Variants in MACF1 observed in about 807,000 individuals in gnomAD.
MACF1 encodes microtubule-actin cross-linking factor 1.
In MACF1, 193 loss-of-function variants were observed where a neutral mutation model predicts 854.8. That is an observed-to-expected ratio of 0.23 (90% confidence interval 0.20 to 0.25). The LOEUF is 0.25. Ranked by LOEUF, MACF1 falls within the 10% of genes least tolerant of loss-of-function variation. MACF1 has a pLI of 1.00. For missense variants in MACF1, 7,722 were observed against 8,929.1 expected (o/e 0.86, Z 5.45); for synonymous variants, 3,185 against 3,226.7 (o/e 0.99, Z 0.44).
At chr1:39,452,027 A>G in intron 85 of MACF1, 129 bp from the exon 86 acceptor site, 3 of 792,110 alleles carry the variant, frequency 3.8e-6, no homozygotes, top group South Asian at 2.1e-5. Context: ...TTTCTTATGC[A>G]TTGCTCTGCC....
At chr1:39,307,039 T>C (rs1389153924) in intron 23 of MACF1, among the ~76,000 whole-genome samples, 5 of 151,780 alleles carry the variant, frequency 3.3e-5, no homozygotes, top group African/African-American at 1.2e-4. Flanking sequence ...CATTTCCGGC[T>C]AATTTTTATA....
Position 39,340,702 on chromosome 1 carries a change from T to A in MACF1, c.10416T>A (p.Ala3472=). The A allele has an allele frequency of 6.2e-7, 1 of 1,614,124 alleles. No individual in the cohort carries two copies. The highest frequency in any genetic ancestry group is 8.5e-7 in the Non-Finnish European group (1 of 1,179,990). ...WNSRLLHFQN[A]VEIEKTKVLN... ...CCAGGCTACTCCACTTCCAGAATGC[T>A]GTGGAAATAGAAAAGGTAGCATTTT... is the stretch of plus-strand genomic sequence containing the variant. Residue 3472 remains alanine (A), a synonymous_variant, in exon 39 of 101, where the codon GCT becomes GCA. Transcript: ENST00000564288.
chr1:39,296,835 G>A lies in MACF1; in HGVS notation c.2356-785G>A, dbSNP rs1237435104. 4.8e-3 allele frequency among the ~76,000 whole-genome samples: 642 copies of A among 132,422 alleles called. 8 individuals carry two copies. The highest frequency in any genetic ancestry group is 0.017 in the Middle Eastern group (4 of 240). The allele number at this position is 132,422 out of a possible 152,430, so 86.9% of individuals were successfully genotyped here. On this transcript the variant is annotated intron_variant, in intron 20 of 100. Transcript: ENST00000564288. ...GAAAGGAAGGAAGGAAGGAAGGAAG[G>A]AAGGAAGGAAAAGAAAGAAAGAGAG... is the stretch of plus-strand genomic sequence containing the variant.
intron 36 of MACF1, chr1:39,328,836 C>A (rs1646665097): frequency 6.6e-6 from 1 of 152,158 alleles, no homozygotes; most frequent in Admixed American, 6.6e-5. Flanking sequence ...TGAGTATTTC[C>A]TGCCTATCCT....
At chr1:39,242,550 AC>A (rs1644936723) in intron 2 of MACF1, among the ~76,000 whole-genome samples, 1 of 152,020 alleles carries the variant, frequency 6.6e-6, no homozygotes, top group Admixed American at 6.6e-5. Context: ...GGAGTTCGAG[AC>A]TAGCTTGGGC....
intron 35 of MACF1, 54 bp downstream of exon 35, chr1:39,324,788 T>A: frequency 7.5e-7 from 1 of 1,327,746 alleles, no homozygotes; most frequent in Non-Finnish European, 1.1e-6. Context: ...TCTATCAGTC[T>A]AAAACTTACA....
rs1263653376 is a variant in MACF1 at position 39,381,378 on chromosome 1, T to TGG, written c.13649-566_13649-565dup. The stretch of plus-strand genomic sequence containing the variant: ...GGCCTTTTTTTTTTTTTTTTTTTTT[T>TGG]GGGGGGGGGGACAGGGTCTTGCTCT... On this transcript the variant is annotated intron_variant, in intron 55 of 100. Coordinates refer to ENST00000564288, the MANE Select transcript of MACF1 (RefSeq NM_001394062.1). Among the ~76,000 whole-genome samples the TGG allele has an allele frequency of 2.2e-3, 220 of 102,004 alleles. 2 individuals are homozygous for TGG. The highest frequency in any genetic ancestry group is 5.2e-3 in the East Asian group (13 of 2,500). The allele number at this position is 102,004 out of a possible 152,430, so 66.9% of individuals were successfully genotyped here. A position where few individuals can be genotyped will look rare whatever the true frequency, so the allele number is the denominator to read the frequency against.
At chr1:39,355,966 C>T (rs1361209098) in intron 44 of MACF1, among the ~76,000 whole-genome samples, 1 of 152,112 alleles carries the variant, frequency 6.6e-6, no homozygotes, top group African/African-American at 2.4e-5. Flanking sequence ...CCTAGTCACT[C>T]AGCTTTCTTG....
Position 39,084,544 on chromosome 1 carries a change from A to T in MACF1, c.220+106A>T. 1 of 820,498 alleles carries T rather than the reference A, an allele frequency of 1.2e-6. No homozygotes were observed. The highest frequency in any genetic ancestry group is 2.5e-5 in the Admixed American group (1 of 39,610). The allele number at this position is 820,498 out of a possible 1,614,324, so 50.8% of individuals were successfully genotyped here. ...CGAGGGGTCCTCACCAGGGCCTCTG[A>T]CAAAGCAGCCATCATCTGATTTGTT... On this transcript the variant is annotated intron_variant, in intron 2 of 93. Coordinates refer to the MACF1 transcript ENST00000361689. This position sits in a 1 kb window ranked among gnomAD's most constrained non-coding sequence, Gnocchi z 5.2.
chr1:39,344,691 A>G (rs1375427448), intron 40 of MACF1, among the ~76,000 whole-genome samples: 1 of 152,274 alleles, frequency 6.6e-6, no homozygotes, highest in South Asian at 2.1e-4. Flanking sequence ...ATACATGCTC[A>G]CTTGAGGCGT....
chr1:39,425,727 A>G (rs1643704147), intron 61 of MACF1, among the ~76,000 whole-genome samples: 1 of 152,062 alleles, frequency 6.6e-6, no homozygotes, highest in Admixed American at 6.5e-5. Context: ...CTTCTATAAA[A>G]CTTACCTTTA....
Position 39,335,936 on chromosome 1 carries a change from A to T in MACF1, c.9348A>T (p.Glu3116Asp), listed in dbSNP as rs758879396. 6.2e-7 allele frequency: 1 copy of T among 1,614,076 alleles called. No homozygotes were observed. The highest frequency in any genetic ancestry group is 8.5e-7 in the Non-Finnish European group (1 of 1,180,018). ...GACCTGAAGGATTGCACTACCAGGAATCAGATGGAAAAGCCCAAGTGACAG... is the reference window on the plus strand; with the variant it reads ...GACCTGAAGGATTGCACTACCAGGATTCAGATGGAAAAGCCCAAGTGACAG... ...TPRPEGLHYQESDGKAQVTGP... is the reference protein window; with the variant it reads ...TPRPEGLHYQDSDGKAQVTGP... Residue 3116 changes from glutamate to aspartate, a missense_variant, in exon 37 of 101, where the codon GAA becomes GAT. Physicochemically the swap from Glu to Asp is conservative, Grantham distance 45. Around this residue, in one of 15 missense-constraint regions of MACF1, gnomAD observed 854 missense variants for 852.6 expected, o/e 1.00. Coordinates refer to ENST00000564288, the MANE Select transcript of MACF1 (RefSeq NM_001394062.1).
At position 39,316,384 on chromosome 1, in the gene MACF1, C is replaced by T; in HGVS notation, c.3450-7C>T. 1.3e-6 allele frequency: 2 copies of T among 1,599,056 alleles called. No homozygotes were observed. Among genetic ancestry groups the T allele is most frequent in the Non-Finnish European group, 1.7e-6 (2 of 1,170,804 alleles). On this transcript the variant is annotated splice_polypyrimidine_tract_variant and splice_region_variant and intron_variant, in intron 27 of 100. Transcript: ENST00000564288. ...GTTAATGAAGGAATGTGTATTTGTC[C>T]CCACAGGTTAAAGACAGTTGATGTT... is the stretch of plus-strand genomic sequence containing the variant.
chr1:39,417,105 T>G (rs1391898905), intron 58 of MACF1, among the ~76,000 whole-genome samples: 2 of 152,242 alleles, frequency 1.3e-5, no homozygotes, highest in Non-Finnish European at 1.5e-5. Context: ...TGATTTAGCA[T>G]GAACTGAGGT....
In MACF1 at chr1:39,129,942, T is replaced by A. The variant is rs141369046; in HGVS notation, c.220+45504T>A. On this transcript the variant is annotated intron_variant, in intron 2 of 93. Transcript: ENST00000361689. ...GGAGAGGAAAGGAAATGGAGTTTGA[T>A]GGTTTTAACTCTTCTGTGGCTGTGG... Among the ~76,000 whole-genome samples, 581 of 152,314 alleles carry A rather than the reference T, an allele frequency of 3.8e-3. 3 individuals carry two copies. The highest frequency in any genetic ancestry group is 5.9e-3 in the Non-Finnish European group (398 of 68,026).
Position 39,316,447 on chromosome 1 carries a change from A to C in MACF1, c.3506A>C (p.Lys1169Thr). The change falls in exon 28 of 101, where the codon AAA becomes ACA. Residue 1169 changes from lysine (K) to threonine (T), a missense_variant. Lys to Thr is a moderately conservative substitution (Grantham distance 78, BLOSUM62 -1). Coordinates refer to ENST00000564288, the MANE Select transcript of MACF1 (RefSeq NM_001394062.1). Reference sequence around the variant, plus strand: ...ATACAGGATGCTGAACTCTTGGTCAAAGGTTATGAGATTAAGCTGAGTCAA... The same window carrying C: ...ATACAGGATGCTGAACTCTTGGTCACAGGTTATGAGATTAAGCTGAGTCAA... ...RSIQDAELLV[K>T]GYEIKLSQEE... 6.2e-7 allele frequency: 1 copy of C among 1,614,046 alleles called. No homozygotes were observed. The highest frequency in any genetic ancestry group is 8.5e-7 in the Non-Finnish European group (1 of 1,179,930).
At chr1:39,251,060 G>T (rs1470548494) in intron 3 of MACF1, among the ~76,000 whole-genome samples, 1 of 152,192 alleles carries the variant, frequency 6.6e-6, no homozygotes, top group African/African-American at 2.4e-5. Flanking sequence ...GTCATTGTTT[G>T]TTGTGTTTAA....
intron 1 of MACF1, among the ~76,000 whole-genome samples, chr1:39,212,026 T>C (rs1356485416): frequency 1.5e-5 from 2 of 132,938 alleles, no homozygotes; most frequent in Admixed American, 1.4e-4. Context: ...GGAAAGACAT[T>C]AAGTATATAC....
At chr1:39,129,442 T>C (rs1465262720) in intron 2 of MACF1, among the ~76,000 whole-genome samples, 1 of 152,206 alleles carries the variant, frequency 6.6e-6, no homozygotes, top group Non-Finnish European at 1.5e-5. Context: ...GCTTCTCTGG[T>C]GCAAACCAGT....
Sources: gnomAD v4.1 joint callset for allele counts (sites outside exome capture counted in the v4.1 genomes callset) on GRCh38, gnomAD v4.1.1 for gene constraint, gnomAD v4.1.1 regional missense constraint, Gnocchi (gnomAD v3.1) non-coding constraint, MANE v1.5 for transcripts, NCBI Gene and HGNC (gene_info 2026-07-23, HGNC 2026-07-21) for gene names.